Variants in PRH1 observed in about 807,000 individuals in gnomAD.
PRH1 encodes the protein proline rich protein HaeIII subfamily 1, also known as salivary acidic proline-rich phosphoprotein 1/2.
PRH1 carries 7 observed loss-of-function variants against 7.9 expected under a neutral mutation model. That is an observed-to-expected ratio of 0.89 (90% CI 0.50 to 1.67). PRH1 has a LOEUF of 1.67. Among genes scored for constraint, PRH1 ranks in the 40% most tolerant of loss-of-function variants. The probability of loss-of-function intolerance (pLI) is 0.00; values close to 1 mark genes in which losing one functional copy is unlikely to be tolerated. For synonymous variants in PRH1, 45 were observed against 80.8 expected (o/e 0.56, Z 2.38); for missense variants, 109 against 223.6 (o/e 0.49, Z 3.27).
At chr12:10,953,038 C>T (rs930291434) in intron 2 of PRH1, among the ~76,000 whole-genome samples, 4 of 151,928 alleles carry the variant, frequency 2.6e-5, no homozygotes, top group Non-Finnish European at 4.4e-5. Flanking sequence ...GAAATCTTTT[C>T]CCCCCTAAAA....
At chr12:10,997,589 A>G in intron 1 of PRH1, 1 of 1,614,104 alleles carries the variant, frequency 6.2e-7, no homozygotes, top group Non-Finnish European at 8.5e-7. Flanking sequence ...AGCAAGCCAG[A>G]TGCTGAAATG....
chr12:11,129,831 A>G (rs1311323161), intron 1 of PRH1, among the ~76,000 whole-genome samples: 9 of 152,298 alleles, frequency 5.9e-5, no homozygotes, highest in Non-Finnish European at 1.3e-4. Context: ...TACATTTTTT[A>G]AAACATCCTG....
chr12:11,025,087 C>G (rs1941841951), intron 1 of PRH1, among the ~76,000 whole-genome samples: 1 of 149,426 alleles, frequency 6.7e-6, no homozygotes, highest in Non-Finnish European at 1.5e-5. Flanking sequence ...GGCACGATCT[C>G]TGCTCACTGA....
intron 2 of PRH1, among the ~76,000 whole-genome samples, chr12:10,903,738 A>G (rs2135813877): frequency 2.0e-5 from 3 of 151,874 alleles, no homozygotes; most frequent in Middle Eastern, 6.8e-3. Flanking sequence ...TAGTCAAACT[A>G]TATCTCTTTG....
rs777050237 is a variant in PRH1 at position 10,986,046 on chromosome 12, A to G, written c.-125-12325T>C. 3.2e-5 allele frequency: 52 copies of G among 1,613,928 alleles called. No homozygotes were observed. Among genetic ancestry groups the G allele is most frequent in the Admixed American group, 1.3e-4 (8 of 59,996 alleles). Reference sequence around the variant, plus strand: ...AATTAGGATGAATGAGTCGAATGCAAGATATATGTTTCCAACAGCCTTGCT... The same window carrying G: ...AATTAGGATGAATGAGTCGAATGCAGGATATATGTTTCCAACAGCCTTGCT... On this transcript the variant is annotated intron_variant, in intron 1 of 3. Coordinates refer to the PRH1 transcript ENST00000539853.
intron 1 of PRH1, among the ~76,000 whole-genome samples, chr12:11,121,728 C>A (rs1383433306): frequency 7.2e-6 from 1 of 138,790 alleles, no homozygotes; most frequent in African/African-American, 2.6e-5. Flanking sequence ...GTTTGTCACT[C>A]AAATTTAATT....
intron 1 of PRH1, among the ~76,000 whole-genome samples, chr12:11,154,514 G>A (rs1342297121): frequency 6.6e-6 from 1 of 152,176 alleles, no homozygotes; most frequent in Non-Finnish European, 1.5e-5. Context: ...AATCTAAAGA[G>A]CAATGGCCTA....
chr12:10,923,457 C>T (rs988187048), intron 2 of PRH1, among the ~76,000 whole-genome samples: 2 of 152,186 alleles, frequency 1.3e-5, no homozygotes, highest in Non-Finnish European at 2.9e-5. Context: ...TCTTACTACT[C>T]TGTAATCACC....
intron 1 of PRH1, among the ~76,000 whole-genome samples, chr12:11,149,169 TTCTC>T (rs987110915): frequency 2.6e-5 from 4 of 152,150 alleles, no homozygotes; most frequent in Admixed American, 6.6e-5. Flanking sequence ...TATTTGATTC[TTCTC>T]TCTTTTTTTC....
chr12:10,910,852 T>G (rs766142441), intron 2 of PRH1, among the ~76,000 whole-genome samples: 3 of 152,190 alleles, frequency 2.0e-5, no homozygotes, highest in Non-Finnish European at 4.4e-5. Context: ...ATTATGAATG[T>G]TTGTATTTTA....
rs141481662 is a variant in PRH1, at chr12:10,963,367, T to C, written c.-59+10288A>G. ...TCCTATCATCAATACATAGATGTCATAGACGTCATTTTAGAATTTGCAGAA... is the reference window on the plus strand; with the variant it reads ...TCCTATCATCAATACATAGATGTCACAGACGTCATTTTAGAATTTGCAGAA... On this transcript the variant is annotated intron_variant, in intron 2 of 3. Transcript: ENST00000539853. Among the ~76,000 whole-genome samples, 609 of 152,326 alleles carry C rather than the reference T, an allele frequency of 4.0e-3. 2 individuals carry two copies. Among genetic ancestry groups the C allele is most frequent in the African/African-American group, 0.014 (581 of 41,574 alleles).
rs374278678 is a variant in PRH1 at position 11,142,089 on chromosome 12, G to A, written n.40-20909C>T. ...ATACAGGCATGAACAACCACACCTG[G>A]CTGAGAACCTCCATTTTTGAGCAGA... On this transcript the variant is annotated intron_variant and non_coding_transcript_variant, in intron 1 of 1. Coordinates refer to the PRH1 transcript ENST00000541175. Among the ~76,000 whole-genome samples the A allele has an allele frequency of 3.9e-5, 6 of 152,094 alleles. No individual in the cohort carries two copies. The East Asian group carries it at 9.6e-4, about 24-fold the overall frequency.
intron 1 of PRH1, among the ~76,000 whole-genome samples, chr12:11,129,368 A>G (rs1369838022): frequency 6.6e-6 from 1 of 152,300 alleles, no homozygotes; most frequent in Non-Finnish European, 1.5e-5. Context: ...CGTGAACTGT[A>G]GAGTAAGGAA....
At chr12:11,051,968 C>T (rs574397173), upstream of PRH1, among the ~76,000 whole-genome samples, 1 of 152,338 alleles carries the variant, frequency 6.6e-6, no homozygotes, top group Admixed American at 6.5e-5. Flanking sequence ...TCATTTGCTA[C>T]AATTCCTTTG....
chr12:10,959,499 T>C (rs546815268), intron 2 of PRH1, among the ~76,000 whole-genome samples: 161 of 152,148 alleles, frequency 1.1e-3, no homozygotes, highest in African/African-American at 3.4e-3. Context: ...TTTTATACTG[T>C]ACACAAAAAT....
At chr12:11,133,134 C>CAT (rs1946420181) in intron 1 of PRH1, 1 of 965,856 alleles carries the variant, frequency 1.0e-6, no homozygotes. Context: ...CACACACACA[C>CAT]ACACACACAT....
chr12:11,083,858 A>G (rs138868284), intron 1 of PRH1, among the ~76,000 whole-genome samples: 2,370 of 151,710 alleles, frequency 0.016, 212 homozygotes, highest in South Asian at 0.032. Context: ...AATTCCTCTC[A>G]TATCTATGAA....
In PRH1 at chr12:10,973,649, AGTTACCT is replaced by A. The variant is rs747083223; in HGVS notation, c.-60_-59+5del. On this transcript the variant is annotated splice_donor_variant and splice_donor_5th_base_variant and 5_prime_UTR_variant and intron_variant, in exon 2 of 4. Transcript: ENST00000539853. LOFTEE classifies it low-confidence loss of function (5UTR_SPLICE). ...GATCCTGTGTTACTTGATATGTAGA[AGTTACCT>A]GTGAAAACTTCCACTCTTGAGTAGA... is the stretch of plus-strand genomic sequence containing the variant. 2.2e-5 allele frequency: 17 copies of A among 778,764 alleles called. No individual in the cohort carries two copies. The South Asian group carries it at 2.3e-4, about 10-fold the overall frequency. The allele number at this position is 778,764 out of a possible 1,614,324, so 48.2% of individuals were successfully genotyped here.
chr12:11,042,766 A>T (rs1358053973), intron 1 of PRH1, among the ~76,000 whole-genome samples: 2 of 151,480 alleles, frequency 1.3e-5, no homozygotes, highest in Non-Finnish European at 2.9e-5. Flanking sequence ...AGTAGCTGGG[A>T]CTACAGGCGC....
Sources: gnomAD v4.1 joint callset for allele counts (sites outside exome capture counted in the v4.1 genomes callset) on GRCh38, gnomAD v4.1.1 for gene constraint, MANE v1.5 for transcripts, NCBI Gene and HGNC (gene_info 2026-07-23, HGNC 2026-07-21) for gene names.